The following SPOCK1 variants were observed in gnomAD, a reference collection of about 807,000 sequenced individuals.
SPOCK1 encodes the protein testican-1.
A neutral mutation model predicts 55.3 loss-of-function variants in SPOCK1; 23 were observed. That is an observed-to-expected ratio of 0.42 (90% CI 0.30 to 0.59). The LOEUF (loss-of-function observed/expected upper bound fraction) is 0.59. Among genes scored for constraint, SPOCK1 ranks in the 20% least tolerant of loss-of-function variants. The pLI, the probability that SPOCK1 is intolerant of heterozygous loss-of-function variation, is 0.22. For missense variants in SPOCK1, 499 were observed against 552.5 expected, an observed-to-expected ratio of 0.90 and a Z score of 0.97; for synonymous variants, 226 against 221.0, an observed-to-expected ratio of 1.02 and a Z score of -0.20.
chr5:137,046,467 G>T (rs1297645521), intron 6 of SPOCK1, among the ~76,000 whole-genome samples: 1 of 152,036 alleles, frequency 6.6e-6, no homozygotes, highest in South Asian at 2.1e-4. Context: ...AAGAATGCTT[G>T]TGATTTTTGT....
At chr5:137,169,532 C>T (rs887122527) in intron 3 of SPOCK1, among the ~76,000 whole-genome samples, 2 of 151,534 alleles carry the variant, frequency 1.3e-5, no homozygotes, top group Non-Finnish European at 2.9e-5. Flanking sequence ...GGCACACACA[C>T]CCACTGGATC....
At chr5:137,192,303 G>A (rs549259694) in intron 3 of SPOCK1, among the ~76,000 whole-genome samples, 2 of 151,690 alleles carry the variant, frequency 1.3e-5, no homozygotes, top group East Asian at 3.9e-4. Context: ...GCTGTGTGCT[G>A]CATGGAGAGA....
intron 3 of SPOCK1, among the ~76,000 whole-genome samples, chr5:137,258,861 G>T (rs1756689079): frequency 6.6e-6 from 1 of 152,124 alleles, no homozygotes; most frequent in African/African-American, 2.4e-5. Context: ...CCCTCCAAAG[G>T]GTGGAGCACA....
intron 2 of SPOCK1, among the ~76,000 whole-genome samples, chr5:137,433,391 G>A (rs544058177): frequency 6.6e-6 from 1 of 152,200 alleles, no homozygotes; most frequent in East Asian, 1.9e-4. Flanking sequence ...AGGAGGGCAG[G>A]AGATAAAGAT....
chr5:137,080,829 A>T (rs1297307773), intron 5 of SPOCK1, among the ~76,000 whole-genome samples: 1 of 152,234 alleles, frequency 6.6e-6, no homozygotes, highest in Non-Finnish European at 1.5e-5. Flanking sequence ...AGCACTTCAC[A>T]GCCACCAGAA....
At chr5:137,191,345 T>G (rs1284210954) in intron 3 of SPOCK1, among the ~76,000 whole-genome samples, 1 of 151,610 alleles carries the variant, frequency 6.6e-6, no homozygotes, top group Non-Finnish European at 1.5e-5. Flanking sequence ...TTCTCTTTTT[T>G]CATAATCTTT....
intron 3 of SPOCK1, among the ~76,000 whole-genome samples, chr5:137,196,115 C>A (rs940121107): frequency 6.6e-6 from 1 of 152,158 alleles, no homozygotes; most frequent in African/African-American, 2.4e-5. Context: ...TACCCATTAC[C>A]TCATAGATCA....
At chr5:137,251,366 G>T (rs1271961334) in intron 3 of SPOCK1, among the ~76,000 whole-genome samples, 1 of 152,138 alleles carries the variant, frequency 6.6e-6, no homozygotes, top group Non-Finnish European at 1.5e-5. Flanking sequence ...TCCCATTGTT[G>T]TCTTGATGGG....
chr5:137,298,252 G>T (rs1424869363), intron 2 of SPOCK1, among the ~76,000 whole-genome samples: 2 of 152,166 alleles, frequency 1.3e-5, no homozygotes, highest in African/African-American at 4.8e-5. Context: ...TCTTGCTTTG[G>T]ATACCAGAAT....
chr5:137,470,462 T>C (rs892672529), intron 2 of SPOCK1, among the ~76,000 whole-genome samples: 2 of 152,064 alleles, frequency 1.3e-5, no homozygotes, highest in African/African-American at 4.8e-5. Context: ...GGTGATAGTA[T>C]TAATAAGAAG....
chr5:137,331,403 C>T (rs569436060), intron 2 of SPOCK1, among the ~76,000 whole-genome samples: 1 of 152,334 alleles, frequency 6.6e-6, no homozygotes, highest in Non-Finnish European at 1.5e-5. Flanking sequence ...ATCAGACCCT[C>T]ACTAGGGCCC....
At chr5:137,451,300 G>A (rs984238472) in intron 2 of SPOCK1, among the ~76,000 whole-genome samples, 2 of 152,048 alleles carry the variant, frequency 1.3e-5, no homozygotes, top group Non-Finnish European at 1.5e-5. Context: ...CCTGCACAAC[G>A]CAGAATGTTT....
intron 3 of SPOCK1, among the ~76,000 whole-genome samples, chr5:137,229,849 G>T (rs1040089345): frequency 1.1e-4 from 16 of 152,084 alleles, no homozygotes; most frequent in Admixed American, 1.0e-3. Context: ...CTCACAATAG[G>T]GTTCGTACTC....
intron 2 of SPOCK1, among the ~76,000 whole-genome samples, chr5:137,474,441 G>A (rs184084623): frequency 2.7e-4 from 41 of 152,186 alleles, no homozygotes; most frequent in African/African-American, 9.6e-4. Flanking sequence ...TGAAAGTATC[G>A]ATAAGAGCTC....
Position 136,978,523 on chromosome 5 carries a change from A to T in SPOCK1, c.*131T>A, listed in dbSNP as rs1580689892. The T allele has an allele frequency of 3.3e-6, 3 of 907,394 alleles. No homozygotes were observed. Among genetic ancestry groups the T allele is most frequent in the Non-Finnish European group, 4.8e-6 (3 of 630,524 alleles). The allele number at this position is 907,394 out of a possible 1,614,324, so 56.2% of individuals were successfully genotyped here. On this transcript the variant is annotated 3_prime_UTR_variant, in exon 11 of 11. Transcript: ENST00000394945. ...CTCTGGGAACAAGCAGTTGTCTTCC[A>T]AACCTTAGGTCGGGTATAGAGAGCA...
intron 5 of SPOCK1, among the ~76,000 whole-genome samples, chr5:137,068,612 C>T (rs1752552596): frequency 6.6e-6 from 1 of 152,134 alleles, no homozygotes; most frequent in Non-Finnish European, 1.5e-5. Flanking sequence ...TTAATAGGTG[C>T]AAAAGACCAC....
chr5:137,073,374 G>A (rs968697969), intron 5 of SPOCK1, among the ~76,000 whole-genome samples: 1 of 151,764 alleles, frequency 6.6e-6, no homozygotes, highest in Non-Finnish European at 1.5e-5. Flanking sequence ...AGAATAAAGT[G>A]AGTCATGCAG....
At chr5:137,468,654 G>A in intron 2 of SPOCK1, among the ~76,000 whole-genome samples, 1 of 152,176 alleles carries the variant, frequency 6.6e-6, no homozygotes, top group East Asian at 1.9e-4. Flanking sequence ...ATAATGCAGT[G>A]GAAGTTTGGG....
In SPOCK1 at chr5:137,375,150, C is replaced by T. The variant is rs528972098; in HGVS notation, c.187-108095G>A. On this transcript the variant is annotated intron_variant, in intron 2 of 10. Transcript: ENST00000394945. ...AAAAGATGGTTTTTGATAAGCCAAG[C>T]TTTAAAAAAAAGTCAAGAAGTAACA... Among the ~76,000 whole-genome samples the T allele has an allele frequency of 2.7e-5, 4 of 148,536 alleles. No homozygotes were observed. In the East Asian group the frequency reaches 8.4e-4, roughly 31 times the overall value.
Sources: gnomAD v4.1 joint callset for allele counts (sites outside exome capture counted in the v4.1 genomes callset) on GRCh38, gnomAD v4.1.1 for gene constraint, MANE v1.5 for transcripts, NCBI Gene and HGNC (gene_info 2026-07-23, HGNC 2026-07-21) for gene names.